QTGAL: variants seen among roughly 807,000 people sequenced by gnomAD.
QTGAL encodes queuosine-tRNA galactosyltransferase.
At chr17:82,958,795 A>ATGTG in the QTGAL span, among the ~76,000 whole-genome samples, 1 of 106,252 alleles carries the variant, frequency 9.4e-6, no homozygotes, top group Non-Finnish European at 1.7e-5. Context: ...ACACTGAAGC[A>ATGTG]TGTGTGTGTG....
chr17:82,969,911 C>T, the QTGAL span, among the ~76,000 whole-genome samples: 13 of 152,116 alleles, frequency 8.5e-5, no homozygotes, highest in Non-Finnish European at 1.8e-4. Flanking sequence ...AACTCCTGAG[C>T]TCAAGTGATC....
the QTGAL span, among the ~76,000 whole-genome samples, chr17:82,966,628 G>A: frequency 6.6e-6 from 1 of 152,102 alleles, no homozygotes; most frequent in African/African-American, 2.4e-5. Flanking sequence ...TGGAACCACT[G>A]GTGTCCTTAC....
chr17:82,973,002 G>C, the QTGAL span, among the ~76,000 whole-genome samples: 1 of 152,218 alleles, frequency 6.6e-6, no homozygotes, highest in Non-Finnish European at 1.5e-5. Context: ...TTCCCCGAAG[G>C]AGGGGGCCCC....
the QTGAL span, chr17:82,957,352 T>C: frequency 4.3e-6 from 7 of 1,613,416 alleles, no homozygotes; most frequent in Non-Finnish European, 5.9e-6. Flanking sequence ...GGTGGCAGGA[T>C]GCTCACCTTG....
chr17:83,016,519 G>A, the QTGAL span, among the ~76,000 whole-genome samples: 34,294 of 134,152 alleles, frequency 0.26, 4,229 homozygotes, highest in Middle Eastern at 0.31. Context: ...AGGGAAGAGG[G>A]CAGAAGAGGA....
chr17:82,959,257 CGT>C, the QTGAL span, among the ~76,000 whole-genome samples: 4 of 151,852 alleles, frequency 2.6e-5, no homozygotes, highest in South Asian at 2.1e-4. Flanking sequence ...CATGTGTACA[CGT>C]GTGTGCAGTG....
chr17:82,964,833 CG>C, the QTGAL span, among the ~76,000 whole-genome samples: 3 of 95,696 alleles, frequency 3.1e-5, no homozygotes, highest in Non-Finnish European at 6.1e-5. Context: ...GTGCACCCCA[CG>C]GGGAGGACGG....
At chr17:83,015,145 C>G in the QTGAL span, among the ~76,000 whole-genome samples, 5 of 150,144 alleles carry the variant, frequency 3.3e-5, no homozygotes, top group Non-Finnish European at 5.9e-5. The surrounding 1 kb of genome is among the most constrained non-coding windows in gnomAD (Gnocchi z 4.4). Flanking sequence ...GACCTGCCAC[C>G]ACTGTGGAGG....
the QTGAL span, among the ~76,000 whole-genome samples, chr17:83,036,406 T>C: frequency 2.0e-5 from 3 of 152,236 alleles, no homozygotes; most frequent in Non-Finnish European, 4.4e-5. Flanking sequence ...GGGGCTGCGA[T>C]CTTCTGTTCT....
the QTGAL span, among the ~76,000 whole-genome samples, chr17:82,996,511 G>A: frequency 7.6e-6 from 1 of 130,946 alleles, no homozygotes; most frequent in Non-Finnish European, 1.6e-5. Flanking sequence ...GACAGAGCGA[G>A]ACTCTGCCTC....
chr17:83,005,187 T>C, the QTGAL span: 1 of 1,609,164 alleles, frequency 6.2e-7, no homozygotes, highest in Non-Finnish European at 8.5e-7. The surrounding 1 kb of genome is among the most constrained non-coding windows in gnomAD (Gnocchi z 5.6). Context: ...TAGGGGGATC[T>C]CTCCTCACTC....
At chr17:83,042,672 G>C in the QTGAL span, among the ~76,000 whole-genome samples, 1 of 150,204 alleles carries the variant, frequency 6.7e-6, no homozygotes, top group Non-Finnish European at 1.5e-5. Context: ...AAAGCAGATA[G>C]CAAAGTGGCA....
chr17:82,962,194 G>T, the QTGAL span, among the ~76,000 whole-genome samples: 12 of 152,092 alleles, frequency 7.9e-5, no homozygotes, highest in African/African-American at 2.9e-4. Context: ...AACTATCACG[G>T]CCCAACCGCT....
At chr17:82,990,150 G>A in the QTGAL span, among the ~76,000 whole-genome samples, 4 of 152,188 alleles carry the variant, frequency 2.6e-5, no homozygotes, top group Non-Finnish European at 4.4e-5. Flanking sequence ...TTCTGGGTAC[G>A]TGGATATGCA....
the QTGAL span, among the ~76,000 whole-genome samples, chr17:82,959,664 G>A: frequency 6.6e-6 from 1 of 150,454 alleles, no homozygotes; most frequent in Non-Finnish European, 1.5e-5. Flanking sequence ...GGGGGTTCAC[G>A]TGACAGGAAA....
At chr17:83,028,095 A>G in the QTGAL span, among the ~76,000 whole-genome samples, 1 of 150,628 alleles carries the variant, frequency 6.6e-6, no homozygotes, top group African/African-American at 2.4e-5. Flanking sequence ...TGAGCGACAG[A>G]GTAAAACTTC....
At chr17:83,014,471 C>T in the QTGAL span, 126 of 1,613,944 alleles carry the variant, frequency 7.8e-5, no homozygotes, top group Admixed American at 2.7e-4. Context: ...GGGTGCTGAA[C>T]GGCAGCCTCG....
the QTGAL span, chr17:82,944,724 G>C: frequency 6.6e-6 from 1 of 152,176 alleles, no homozygotes; most frequent in South Asian, 2.1e-4. Context: ...CACGTTCTAG[G>C]TGCTAACCAG....
the QTGAL span, chr17:83,049,123 G>T: frequency 2.5e-5 from 6 of 240,846 alleles, no homozygotes; most frequent in Middle Eastern, 1.5e-3. Context: ...CGTGGTGGCA[G>T]GCTCCTGTAG....
Sources: allele counts gnomAD v4.1 joint callset (sites outside exome capture counted in the v4.1 genomes callset), GRCh38; gene constraint gnomAD v4.1.1; non-coding constraint Gnocchi (gnomAD v3.1); transcripts MANE v1.5; gene names NCBI Gene and HGNC (gene_info 2026-07-23, HGNC 2026-07-21).